BBS5: variants seen among roughly 807,000 people sequenced by gnomAD.
BBS5 encodes the protein Bardet-Biedl syndrome 5, also known as BBSome complex member BBS5.
Under a neutral mutation model 50.2 loss-of-function variants are expected in BBS5, and 39 were observed. That is an observed-to-expected ratio of 0.78 (90% CI 0.60 to 1.01). The LOEUF is 1.01. Among genes scored for constraint, BBS5 ranks in the 50% least tolerant of loss-of-function variants. BBS5 has a pLI of 0.00. For missense variants in BBS5, 356 were observed against 401.5 expected (o/e 0.89, Z 0.97); for synonymous variants, 134 against 133.1 (o/e 1.01, Z -0.05).
intron 9 of BBS5, among the ~76,000 whole-genome samples, chr2:169,500,180 G>A (rs892639356): frequency 1.3e-5 from 2 of 152,120 alleles, no homozygotes; most frequent in Non-Finnish European, 2.9e-5. Context: ...TGCTCTCCAG[G>A]TACATGAGCT....
chr2:169,503,502 A>G (rs551985057), intron 10 of BBS5, among the ~76,000 whole-genome samples: 1 of 152,384 alleles, frequency 6.6e-6, no homozygotes, highest in South Asian at 2.1e-4. Flanking sequence ...TTTCTATAAA[A>G]AAAGAAAAAA....
At chr2:169,492,794 T>C in intron 5 of BBS5, 80 bp from the exon 6 acceptor site, 1 of 1,225,042 alleles carries the variant, frequency 8.2e-7, no homozygotes, top group East Asian at 2.5e-5. Flanking sequence ...TACTAACAAC[T>C]ACATATTTTA....
chr2:169,493,929 CTT>C, intron 7 of BBS5, 93 bp downstream of exon 7: 1 of 803,254 alleles, frequency 1.2e-6, no homozygotes, highest in Non-Finnish European at 2.1e-6. Flanking sequence ...TTCTTTCTCC[CTT>C]TTTTAAGTGG....
At chr2:169,496,607 C>T (rs1343101753) in intron 7 of BBS5, among the ~76,000 whole-genome samples, 4 of 151,982 alleles carry the variant, frequency 2.6e-5, no homozygotes, top group Non-Finnish European at 4.4e-5. Context: ...CGGTGGCTCA[C>T]GCCTGTAATC....
intron 1 of BBS5, among the ~76,000 whole-genome samples, chr2:169,481,427 T>C (rs1172455773): frequency 1.3e-5 from 2 of 152,200 alleles, no homozygotes; most frequent in East Asian, 3.9e-4. Flanking sequence ...CAGAGAGAGG[T>C]TGGAAGTACA....
At position 169,497,632 on chromosome 2, in the gene BBS5, A is replaced by C. The variant is rs749694018; in HGVS notation, c.624A>C (p.Ser208=). ...NVSIPYLQIR[S]IKIRDSKFGL... is the part of the protein sequence containing the mutation. Reference sequence around the variant, plus strand: ...CTTTTTCATTTTGTATCTAGCGTTCAATAAAGATTAGAGATTCAAAATTTG... The same window carrying C: ...CTTTTTCATTTTGTATCTAGCGTTCCATAAAGATTAGAGATTCAAAATTTG... Residue 208 remains serine (S), a synonymous_variant, in exon 8 of 12, where the codon TCA becomes TCC. Coordinates refer to ENST00000295240, the MANE Select transcript of BBS5 (RefSeq NM_152384.3). 31 of 1,583,498 alleles carry C rather than the reference A, an allele frequency of 2.0e-5. 1 individual carries two copies. The South Asian group carries it at 3.3e-4, about 17-fold the overall frequency.
intron 8 of BBS5, among the ~76,000 whole-genome samples, chr2:169,498,479 A>G (rs74773261): frequency 0.048 from 7,256 of 152,186 alleles, 200 homozygotes; most frequent in East Asian, 0.13. Context: ...CTTATTTTAT[A>G]TGACAACTGG....
At chr2:169,493,895 T>TTAACTATTGAACA in intron 7 of BBS5, 59 bp downstream of exon 7, 2 of 1,186,464 alleles carry the variant, frequency 1.7e-6, no homozygotes, top group Non-Finnish European at 2.5e-6. Flanking sequence ...TTTTGTTCAA[T>TTAACTATTGAACA]AGTTAATTGG....
At chr2:169,496,916 C>T (rs1332700256) in intron 7 of BBS5, among the ~76,000 whole-genome samples, 1 of 151,968 alleles carries the variant, frequency 6.6e-6, no homozygotes, top group African/African-American at 2.4e-5. Context: ...AAGAATGTAG[C>T]CATCTATGAT....
At chr2:169,488,184 C>A in intron 5 of BBS5, 70 bp downstream of exon 5, 1 of 1,514,730 alleles carries the variant, frequency 6.6e-7, no homozygotes, top group Non-Finnish European at 9.1e-7. Context: ...CAACAGTCCC[C>A]AACCTTTTTG....
chr2:169,496,506 T>G (rs545095810), intron 7 of BBS5, among the ~76,000 whole-genome samples: 19 of 149,254 alleles, frequency 1.3e-4, no homozygotes, highest in Non-Finnish European at 2.2e-4. Flanking sequence ...GAGGCCTAGG[T>G]GGGTGGATCA....
rs1683719367 is a variant in BBS5, at chr2:169,497,700, G to A, written c.681+11G>A. 3 of 1,555,688 alleles carry A rather than the reference G, an allele frequency of 1.9e-6. No individual in the cohort carries two copies. Among genetic ancestry groups the A allele is most frequent in the Non-Finnish European group, 2.7e-6 (3 of 1,129,022 alleles). ...GAAAGCTCTCAGCAGGTAAGATCTT[G>A]TATATTTTTATTAATCTTTGATTTT... On this transcript the variant is annotated intron_variant, in intron 8 of 11. Coordinates refer to ENST00000295240, the MANE Select transcript of BBS5 (RefSeq NM_152384.3).
At chr2:169,489,491 A>C (rs1026367280) in intron 5 of BBS5, among the ~76,000 whole-genome samples, 2 of 149,002 alleles carry the variant, frequency 1.3e-5, no homozygotes, top group Non-Finnish European at 3.0e-5. Context: ...TTTTTTTTAG[A>C]GACGGGGTCT....
rs778367111 is a variant in BBS5, at chr2:169,499,438, T to C, written c.682-48T>C. ...ATAATTTATCTTATACTATAAATACTGTTCTTCAGACTTGTTGGGTTTTTT... is the reference window on the plus strand; with the variant it reads ...ATAATTTATCTTATACTATAAATACCGTTCTTCAGACTTGTTGGGTTTTTT... On this transcript the variant is annotated intron_variant, in intron 8 of 11. Coordinates refer to ENST00000295240, the MANE Select transcript of BBS5 (RefSeq NM_152384.3). 8.3e-6 allele frequency: 13 copies of C among 1,568,192 alleles called. 1 individual carries two copies. In the East Asian group the frequency reaches 1.6e-4, roughly 19 times the overall value.
intron 8 of BBS5, among the ~76,000 whole-genome samples, chr2:169,498,043 G>C (rs1295924277): frequency 6.6e-6 from 1 of 152,200 alleles, no homozygotes; most frequent in Non-Finnish European, 1.5e-5. Flanking sequence ...GCTTTGAGAA[G>C]TTAGGAACCT....
chr2:169,485,493 A>G (rs16856982), intron 2 of BBS5, among the ~76,000 whole-genome samples: 5,750 of 152,242 alleles, frequency 0.038, 374 homozygotes, highest in African/African-American at 0.13. Context: ...GGAGGGTCAT[A>G]TTATTTTCTT....
rs1401528729 is a variant in BBS5, at chr2:169,499,567, A to G, written c.763A>G (p.Lys255Glu). The G allele has an allele frequency of 6.2e-7, 1 of 1,613,886 alleles. No homozygotes were observed. The highest frequency in any genetic ancestry group is 2.2e-5 in the East Asian group (1 of 44,850). Residue 255 changes from lysine to glutamate, a missense_variant, in exon 9 of 12, where the codon AAA becomes GAA. Coordinates refer to ENST00000295240, the MANE Select transcript of BBS5 (RefSeq NM_152384.3). ...ESVKEINSLH[K>E]VYSASPIFGV... Reference sequence around the variant, plus strand: ...AGTTAAGGAAATCAATTCACTTCACAAAGTCTATTCTGCCAGTCCCATATT... The same window carrying G: ...AGTTAAGGAAATCAATTCACTTCACGAAGTCTATTCTGCCAGTCCCATATT...
intron 8 of BBS5, 51 bp downstream of exon 8, chr2:169,497,740 A>C: frequency 7.9e-7 from 1 of 1,262,948 alleles, no homozygotes; most frequent in South Asian, 1.3e-5. Context: ...ACTATGTGAC[A>C]GTCTAGATTT....
intron 6 of BBS5, 135 bp downstream of exon 6, chr2:169,493,144 T>C: frequency 9.7e-7 from 1 of 1,033,156 alleles, no homozygotes. Context: ...TTTCAATAAG[T>C]ACAAGTTAGG....
Sources: allele counts gnomAD v4.1 joint callset (sites outside exome capture counted in the v4.1 genomes callset), GRCh38; gene constraint gnomAD v4.1.1; transcripts MANE v1.5; gene names NCBI Gene and HGNC (gene_info 2026-07-23, HGNC 2026-07-21).